The following PIEZO2 variants were observed in gnomAD, a reference collection of about 807,000 sequenced individuals.
PIEZO2 encodes the protein piezo-type mechanosensitive ion channel component 2.
In PIEZO2, 172 loss-of-function variants were observed where a neutral mutation model predicts 337.3. The observed-to-expected ratio is 0.51, with a 90% CI of 0.45 to 0.58. The LOEUF is 0.58. Among genes scored for constraint, PIEZO2 ranks in the 20% least tolerant of loss-of-function variants. The pLI is 0.00. For missense variants in PIEZO2, 3,028 were observed against 3,391.3 expected, an observed-to-expected ratio of 0.89 and a Z score of 2.66; for synonymous variants, 1,251 against 1,228.5, an observed-to-expected ratio of 1.02 and a Z score of -0.38.
At chr18:11,036,825 CA>C (rs1261686129) in intron 2 of PIEZO2, among the ~76,000 whole-genome samples, 3 of 152,136 alleles carry the variant, frequency 2.0e-5, no homozygotes, top group Non-Finnish European at 4.4e-5. Flanking sequence ...CAAACCAGGT[CA>C]CACACTGACA....
intron 37 of PIEZO2, among the ~76,000 whole-genome samples, chr18:10,717,776 T>G (rs1204137641): frequency 6.6e-6 from 1 of 152,232 alleles, no homozygotes; most frequent in Non-Finnish European, 1.5e-5. Context: ...ATGAAGAGTT[T>G]GGCCCTAACC....
chr18:10,689,868 G>A, intron 48 of PIEZO2, 66 bp from the exon 49 acceptor site: 1 of 1,537,482 alleles, frequency 6.5e-7, no homozygotes, highest in Non-Finnish European at 8.7e-7. Context: ...GCTCACCCAG[G>A]AGCTCAAGCA....
intron 3 of PIEZO2, among the ~76,000 whole-genome samples, chr18:10,956,695 G>T (rs1029008002): frequency 1.3e-5 from 2 of 152,240 alleles, no homozygotes; most frequent in African/African-American, 2.4e-5. Context: ...TCCAGGCCAG[G>T]CGCAGTGGCT....
chr18:11,006,335 T>C (rs2035718642), intron 2 of PIEZO2, among the ~76,000 whole-genome samples: 1 of 152,208 alleles, frequency 6.6e-6, no homozygotes, highest in Non-Finnish European at 1.5e-5. Context: ...ACAATAAATA[T>C]TGATTGAATA....
At chr18:10,723,782 G>A (rs1250971781) in intron 36 of PIEZO2, among the ~76,000 whole-genome samples, 1 of 152,144 alleles carries the variant, frequency 6.6e-6, no homozygotes. Flanking sequence ...CCTCAGATAG[G>A]GGACAAGGCA....
At position 10,888,932 on chromosome 18, in the gene PIEZO2, A is replaced by T. The variant is rs264218; in HGVS notation, c.330-17517T>A. ...CAACCCAGTTTTTCAGAAACCTAGC[A>T]TGCTGCTACAGCCAACAGTTCAAGG... On this transcript the variant is annotated intron_variant, in intron 4 of 55. Coordinates refer to ENST00000674853, the MANE Select transcript of PIEZO2 (RefSeq NM_001378183.1). This position sits in a 1 kb window ranked among gnomAD's most constrained non-coding sequence, Gnocchi z 4.1. Among the ~76,000 whole-genome samples, 95,075 of 151,888 alleles carry T rather than the reference A, an allele frequency of 0.63. 29,935 individuals are homozygous for T. Among genetic ancestry groups the T allele is most frequent in the East Asian group, 0.78 (4,003 of 5,158 alleles).
chr18:10,954,154 T>C lies in PIEZO2; in HGVS notation c.286+25381A>G, dbSNP rs1016385945. ...TTATTTTTCATTTTCAAAATTACTT[T>C]GGCTATTGTAGTTTTTTTTCCATAT... On this transcript the variant is annotated intron_variant, in intron 3 of 55. Transcript: ENST00000674853. This position sits in a 1 kb window ranked among gnomAD's most constrained non-coding sequence, Gnocchi z 4.2. Among the ~76,000 whole-genome samples the C allele has an allele frequency of 6.6e-6, 1 of 152,242 alleles. No individual in the cohort carries two copies. Among genetic ancestry groups the C allele is most frequent in the Non-Finnish European group, 1.5e-5 (1 of 68,036 alleles).
chr18:10,734,116 AT>A (rs922668946), intron 35 of PIEZO2, among the ~76,000 whole-genome samples: 1 of 152,152 alleles, frequency 6.6e-6, no homozygotes, highest in African/African-American at 2.4e-5. Context: ...CTGTAAGATA[AT>A]TTTTTTGAAA....
chr18:10,761,736 G>C (rs962843381), intron 23 of PIEZO2, among the ~76,000 whole-genome samples: 1 of 152,136 alleles, frequency 6.6e-6, no homozygotes, highest in Non-Finnish European at 1.5e-5. Context: ...TGGTACAAAA[G>C]ATATCTACCA....
rs894175936 is a variant in PIEZO2, at chr18:11,027,711, T to C, written c.160+38416A>G. 1.3e-5 allele frequency among the ~76,000 whole-genome samples: 2 copies of C among 152,214 alleles called. No homozygotes were observed. The highest frequency in any genetic ancestry group is 4.8e-5 in the African/African-American group (2 of 41,464). ...TTCACAATTATGTTGTACAAATAAA[T>C]GTAAAAATCATTAGCATTAACTGAA... On this transcript the variant is annotated intron_variant, in intron 2 of 55. Coordinates refer to ENST00000674853, the MANE Select transcript of PIEZO2 (RefSeq NM_001378183.1). This position sits in a 1 kb window ranked among gnomAD's most constrained non-coding sequence, Gnocchi z 4.2.
intron 18 of PIEZO2, among the ~76,000 whole-genome samples, chr18:10,778,585 G>A (rs1316188914): frequency 6.6e-6 from 1 of 152,038 alleles, no homozygotes; most frequent in African/African-American, 2.4e-5. Context: ...ACCTGCCTCG[G>A]CTTCCCAAGG....
chr18:10,672,597 C>G lies in PIEZO2; in HGVS notation c.8345+93G>C, dbSNP rs2033826148. 5 of 1,383,432 alleles carry G rather than the reference C, an allele frequency of 3.6e-6. No homozygotes were observed. The highest frequency in any genetic ancestry group is 1.5e-5 in the African/African-American group (1 of 68,180). The allele number at this position is 1,383,432 out of a possible 1,614,324, so 85.7% of individuals were successfully genotyped here. ...TTTAATACTGCAGCTCTAAAATTAG[C>G]GAATTCTAAGAAGATAAAAGGCTTC... On this transcript the variant is annotated intron_variant, in intron 55 of 55. Coordinates refer to ENST00000674853, the MANE Select transcript of PIEZO2 (RefSeq NM_001378183.1). This position sits in a 1 kb window ranked among gnomAD's most constrained non-coding sequence, Gnocchi z 4.7.
chr18:10,761,048 A>G lies in PIEZO2; in HGVS notation c.3313T>C (p.Tyr1105His), dbSNP rs1313861024. The G allele has an allele frequency of 2.6e-6, 4 of 1,537,132 alleles. No individual in the cohort carries two copies. The African/African-American group carries it at 5.5e-5, about 21-fold the overall frequency. Residue 1105 changes from tyrosine (Y) to histidine (H), a missense_variant, in exon 24 of 56, where the codon TAT becomes CAT. This residue lies in a region of PIEZO2 where 1,925 missense variants were observed against 2,051.9 expected (regional missense o/e 0.94). Coordinates refer to ENST00000674853, the MANE Select transcript of PIEZO2 (RefSeq NM_001378183.1). ...EVTIYRHQEY[Y>H]RGRNNLTAPV... ...GCCGTCAGGTTATTTCGACCTCGATAGTATTCCTGATGGCGGTAAATGGTG... is the reference window on the plus strand; with the variant it reads ...GCCGTCAGGTTATTTCGACCTCGATGGTATTCCTGATGGCGGTAAATGGTG...
chr18:10,858,391 T>C (rs377740568), intron 5 of PIEZO2, among the ~76,000 whole-genome samples: 1 of 150,602 alleles, frequency 6.6e-6, no homozygotes, highest in South Asian at 2.1e-4. Context: ...GCCATCACCT[T>C]AAGGCAAAAG....
chr18:10,968,111 G>C (rs550297403), intron 3 of PIEZO2, among the ~76,000 whole-genome samples: 3 of 152,196 alleles, frequency 2.0e-5, no homozygotes, highest in Admixed American at 2.0e-4. Context: ...GATCCATTTT[G>C]AGTTGATTTT....
rs138658958 is a variant in PIEZO2 at position 11,123,133 on chromosome 18, A to T, written c.64+25392T>A. Among the ~76,000 whole-genome samples the T allele has an allele frequency of 4.7e-3, 722 of 152,308 alleles. 6 individuals are homozygous for T. Among genetic ancestry groups the T allele is most frequent in the African/African-American group, 0.016 (673 of 41,578 alleles). On this transcript the variant is annotated intron_variant, in intron 1 of 55. Transcript: ENST00000674853. ...TTCTGACTCCTAAGAAACTCAGAGT[A>T]GAGAAAAGCATGTCCCAACAGATCA...
intron 2 of PIEZO2, among the ~76,000 whole-genome samples, chr18:11,005,977 A>C (rs2035704292): frequency 6.6e-6 from 1 of 152,230 alleles, no homozygotes; most frequent in Non-Finnish European, 1.5e-5. Flanking sequence ...ATTTGTCTTC[A>C]TTGCTATAAT....
intron 4 of PIEZO2, among the ~76,000 whole-genome samples, chr18:10,898,288 G>A (rs993913318): frequency 6.6e-6 from 1 of 152,176 alleles, no homozygotes; most frequent in African/African-American, 2.4e-5. Context: ...GGGCGTGGTG[G>A]CAGGTGCCTG....
intron 36 of PIEZO2, chr18:10,725,128 C>CCCA: frequency 6.8e-7 from 1 of 1,462,186 alleles, no homozygotes; most frequent in Non-Finnish European, 9.6e-7. Context: ...GTACCAGGAG[C>CCCA]CCATGCCTAT....
Sources: allele counts gnomAD v4.1 joint callset (sites outside exome capture counted in the v4.1 genomes callset), GRCh38; gene constraint gnomAD v4.1.1; regional missense constraint gnomAD v4.1.1; non-coding constraint Gnocchi (gnomAD v3.1); transcripts MANE v1.5; gene names NCBI Gene and HGNC (gene_info 2026-07-23, HGNC 2026-07-21).